CSGALNACT2: variants seen among roughly 807,000 people sequenced by gnomAD.
The protein encoded by CSGALNACT2 is chondroitin sulfate N-acetylgalactosaminyltransferase 2.
CSGALNACT2 carries 35 observed loss-of-function variants against 55.3 expected under a neutral mutation model. The observed-to-expected ratio is 0.63, with a 90% CI of 0.48 to 0.84. CSGALNACT2 has a LOEUF of 0.84. CSGALNACT2 is among the 40% of genes least tolerant of loss of function. CSGALNACT2 has a pLI of 0.00. For synonymous variants in CSGALNACT2, 196 were observed against 224.9 expected, an observed-to-expected ratio of 0.87 and a Z score of 1.15; for missense variants, 544 against 657.5, an observed-to-expected ratio of 0.83 and a Z score of 1.89.
rs1838969552 is a variant in CSGALNACT2 at position 43,155,284 on chromosome 10, T to C, written c.135T>C (p.Pro45=). 6.2e-7 allele frequency: 1 copy of C among 1,614,072 alleles called. No homozygotes were observed. Among genetic ancestry groups the C allele is most frequent in the African/African-American group, 1.3e-5 (1 of 74,924 alleles). The change falls in exon 2 of 8, where the codon CCT becomes CCC. Residue 45 remains proline, a synonymous_variant. Coordinates refer to ENST00000374466, the MANE Select transcript of CSGALNACT2 (RefSeq NM_018590.5). ...AGACTGATGGAAATGCATCTCTTCC[T>C]GGTGTTGTTGGGGAAAATTATGGTA... is the stretch of plus-strand genomic sequence containing the variant. ...APQTDGNASL[P]GVVGENYGKE...
intron 6 of CSGALNACT2, among the ~76,000 whole-genome samples, chr10:43,172,469 T>TCC (rs1839401010): frequency 1.3e-5 from 2 of 152,172 alleles, no homozygotes; most frequent in Admixed American, 1.3e-4. Flanking sequence ...ACCTCTGAGG[T>TCC]ATGTAGTATT....
chr10:43,142,272 C>T (rs1311934941), intron 1 of CSGALNACT2, among the ~76,000 whole-genome samples: 2 of 151,862 alleles, frequency 1.3e-5, no homozygotes, highest in Non-Finnish European at 2.9e-5. Context: ...AGTGCAGTGG[C>T]GTGATCTTGG....
chr10:43,182,016 A>G (rs1588917861), intron 7 of CSGALNACT2, among the ~76,000 whole-genome samples: 1 of 147,046 alleles, frequency 6.8e-6, no homozygotes, highest in East Asian at 2.0e-4. Context: ...CAGGAGTAAG[A>G]AATTATAAAA....
chr10:43,141,408 G>GA (rs1838619676), intron 1 of CSGALNACT2, among the ~76,000 whole-genome samples: 1 of 150,402 alleles, frequency 6.6e-6, no homozygotes, highest in Non-Finnish European at 1.5e-5. Context: ...AGTAGAGACG[G>GA]GTTTCACCAT....
intron 1 of CSGALNACT2, among the ~76,000 whole-genome samples, chr10:43,141,128 C>G (rs1838611256): frequency 6.6e-6 from 1 of 152,070 alleles, no homozygotes; most frequent in Admixed American, 6.5e-5. Context: ...CCTGTAATTC[C>G]AACACTTTGG....
At chr10:43,179,310 T>C (rs1411409720) in intron 7 of CSGALNACT2, among the ~76,000 whole-genome samples, 1 of 151,904 alleles carries the variant, frequency 6.6e-6, no homozygotes, top group Non-Finnish European at 1.5e-5. Context: ...CCTCATTATT[T>C]CTTTTTCGAA....
chr10:43,143,464 T>C (rs917368960), intron 1 of CSGALNACT2, among the ~76,000 whole-genome samples: 1 of 151,804 alleles, frequency 6.6e-6, no homozygotes, highest in Non-Finnish European at 1.5e-5. Context: ...AAACGGCCTG[T>C]GCATTTAAAT....
At chr10:43,165,093 T>C (rs1839234559) in intron 5 of CSGALNACT2, among the ~76,000 whole-genome samples, 1 of 151,778 alleles carries the variant, frequency 6.6e-6, no homozygotes, top group South Asian at 2.1e-4. Flanking sequence ...GTCGTGGTGG[T>C]GGGTGCCTGT....
rs55776451 is a variant in CSGALNACT2, at chr10:43,168,673, G to GACAC, written c.1254+1608_1254+1611dup. Reference sequence around the variant, plus strand: ...ATCAACACTTGGCATAGTACACACAGACACACACACACACACACACACACA... The same window carrying GACAC: ...ATCAACACTTGGCATAGTACACACAGACACACACACACACACACACACACACACA... On this transcript the variant is annotated intron_variant, in intron 6 of 7. Coordinates refer to ENST00000374466, the MANE Select transcript of CSGALNACT2 (RefSeq NM_018590.5). Among the ~76,000 whole-genome samples the GACAC allele has an allele frequency of 2.6e-3, 383 of 148,008 alleles. 4 individuals carry two copies. The highest frequency in any genetic ancestry group is 8.1e-3 in the South Asian group (37 of 4,554).
At chr10:43,153,455 A>G (rs909513351) in intron 1 of CSGALNACT2, among the ~76,000 whole-genome samples, 4 of 152,086 alleles carry the variant, frequency 2.6e-5, no homozygotes, top group African/African-American at 7.2e-5. Context: ...TATATTGGCC[A>G]TAAGAAGTTT....
rs1195830394 is a variant in CSGALNACT2, at chr10:43,155,694, A to T, written c.545A>T (p.Glu182Val). ...VRKDKRDELV[E>V]VIEAGLEVIN... The stretch of plus-strand genomic sequence containing the variant: ...AAAGACAAACGAGATGAATTGGTGG[A>T]AGTTATTGAAGCGGGCTTGGAGGTC... Residue 182 changes from glutamate to valine, a missense_variant, in exon 2 of 8, where the codon GAA (glutamate) becomes GTA (valine). Around this residue, in one of 2 missense-constraint regions of CSGALNACT2, gnomAD observed 374 missense variants for 401.3 expected, o/e 0.93. Transcript: ENST00000374466. 1 of 1,614,204 alleles carries T rather than the reference A, an allele frequency of 6.2e-7. No individual in the cohort carries two copies. Among genetic ancestry groups the T allele is most frequent in the South Asian group, 1.1e-5 (1 of 91,086 alleles).
At chr10:43,160,448 T>C (rs369500844) in intron 3 of CSGALNACT2, 46 bp from the exon 4 acceptor site, 2 of 941,114 alleles carry the variant, frequency 2.1e-6, no homozygotes, top group Non-Finnish European at 3.4e-6. Context: ...TAATGAATAG[T>C]GCCTCATGTT....
intron 4 of CSGALNACT2, chr10:43,163,185 T>G: frequency 1.0e-6 from 1 of 985,268 alleles, no homozygotes; most frequent in Non-Finnish European, 1.2e-6. Flanking sequence ...CACGTTCCAC[T>G]TCTAACATCT....
At chr10:43,165,923 A>C (rs1401348926) in intron 5 of CSGALNACT2, among the ~76,000 whole-genome samples, 1 of 152,182 alleles carries the variant, frequency 6.6e-6, no homozygotes, top group Non-Finnish European at 1.5e-5. Flanking sequence ...CGGAGGTTGC[A>C]ATGAGCTGAG....
At chr10:43,141,059 A>T (rs1838609573) in intron 1 of CSGALNACT2, among the ~76,000 whole-genome samples, 2 of 152,162 alleles carry the variant, frequency 1.3e-5, no homozygotes, top group Admixed American at 1.3e-4. Flanking sequence ...AAAAAAAGCA[A>T]TTGATTCTTG....
rs1018068096 is a variant in CSGALNACT2, at chr10:43,145,908, G to A, written c.-254+7341G>A. On this transcript the variant is annotated intron_variant, in intron 1 of 7. Transcript: ENST00000374466. ...GAATATGTGCTTTCATTTCTTTTAG[G>A]TAAATATCTAGGAATGGAATGGCTG... Among the ~76,000 whole-genome samples the A allele has an allele frequency of 3.3e-5, 5 of 152,064 alleles. No homozygotes were observed. In the South Asian group the frequency reaches 1.0e-3, roughly 32 times the overall value.
chr10:43,180,138 G>T (rs542313984), intron 7 of CSGALNACT2, among the ~76,000 whole-genome samples: 2 of 152,190 alleles, frequency 1.3e-5, no homozygotes, highest in Admixed American at 1.3e-4. Flanking sequence ...CCTCCACCCT[G>T]TTGCTGTGGG....
chr10:43,163,013 C>A (rs1839186100), intron 4 of CSGALNACT2: 3 of 985,168 alleles, frequency 3.0e-6, no homozygotes, highest in Admixed American at 6.1e-5. Flanking sequence ...TGACCCTTAT[C>A]TCACTGTTCC....
chr10:43,175,655 A>G (rs1238821699), intron 6 of CSGALNACT2, among the ~76,000 whole-genome samples: 1 of 152,204 alleles, frequency 6.6e-6, no homozygotes, highest in Non-Finnish European at 1.5e-5. Flanking sequence ...CTACTGTGTA[A>G]GGTTGATCCT....
Sources: allele counts gnomAD v4.1 joint callset (sites outside exome capture counted in the v4.1 genomes callset), GRCh38; gene constraint gnomAD v4.1.1; regional missense constraint gnomAD v4.1.1; transcripts MANE v1.5; gene names NCBI Gene and HGNC (gene_info 2026-07-23, HGNC 2026-07-21).